Variants in TENM2 observed in about 807,000 individuals in gnomAD.
TENM2 encodes teneurin transmembrane protein 2, also known as teneurin-2.
A neutral mutation model predicts 245.2 loss-of-function variants in TENM2; 52 were observed. The ratio of observed to expected loss-of-function variants is 0.21; its 90% CI spans 0.17 to 0.27. The LOEUF (loss-of-function observed/expected upper bound fraction) is 0.27, where lower values mean the gene tolerates loss of function less well. TENM2 is among the 10% of genes least tolerant of loss of function. The pLI is 1.00. For synonymous variants in TENM2, 1,363 were observed against 1,438.9 expected, an observed-to-expected ratio of 0.95 and a Z score of 1.19; for missense variants, 3,046 against 3,666.8, an observed-to-expected ratio of 0.83 and a Z score of 4.37.
chr5:167,765,754 G>T (rs1237267013), intron 2 of TENM2, among the ~76,000 whole-genome samples: 5 of 152,180 alleles, frequency 3.3e-5, no homozygotes, highest in Non-Finnish European at 5.9e-5. Context: ...GATGCACAGA[G>T]CCTGTTGCCA....
chr5:167,798,612 G>A (rs947102570), intron 2 of TENM2, among the ~76,000 whole-genome samples: 7 of 152,166 alleles, frequency 4.6e-5, no homozygotes, highest in African/African-American at 1.7e-4. Flanking sequence ...AGACAGAGCG[G>A]GCGTAGTATT....
At chr5:168,183,731 G>T (rs79247726) in intron 13 of TENM2, among the ~76,000 whole-genome samples, 1 of 151,806 alleles carries the variant, frequency 6.6e-6, no homozygotes, top group African/African-American at 2.4e-5. Context: ...TGAGTCACGG[G>T]GTTCACCACC....
rs1160802147 is a variant in TENM2, at chr5:167,590,328, C to A, written c.502+214855C>A. Among the ~76,000 whole-genome samples the A allele has an allele frequency of 2.0e-5, 3 of 151,824 alleles. No individual in the cohort carries two copies. The East Asian group carries it at 5.8e-4, about 29-fold the overall frequency. ...ATTGTTTCTCAGCTTTAAAAAAAAT[C>A]CCCATTATAAGGTTCAATAAATGCG... On this transcript the variant is annotated intron_variant, in intron 2 of 28. Coordinates refer to ENST00000518659, the Ensembl canonical transcript of TENM2.
At chr5:167,062,282 T>C in the TENM2 span, among the ~76,000 whole-genome samples, 1 of 152,146 alleles carries the variant, frequency 6.6e-6, no homozygotes, top group Non-Finnish European at 1.5e-5. Flanking sequence ...TTGCTGTCTC[T>C]TCTGAAGGCT....
chr5:167,557,531 A>T (rs1413055246), intron 2 of TENM2, among the ~76,000 whole-genome samples: 2 of 152,248 alleles, frequency 1.3e-5, no homozygotes, highest in Non-Finnish European at 2.9e-5. Flanking sequence ...AAGAAGCAAT[A>T]GATTTAAAGT....
intron 2 of TENM2, among the ~76,000 whole-genome samples, chr5:167,445,136 T>C (rs1387612715): frequency 1.3e-5 from 2 of 151,908 alleles, no homozygotes; most frequent in Non-Finnish European, 2.9e-5. Flanking sequence ...AGTAGTAGTA[T>C]CCAAAAGCAT....
intron 2 of TENM2, among the ~76,000 whole-genome samples, chr5:167,727,366 C>A (rs1220990216): frequency 6.6e-6 from 1 of 152,172 alleles, no homozygotes; most frequent in Non-Finnish European, 1.5e-5. Context: ...CCCGCCTCAG[C>A]CTCCCAGGGT....
At chr5:167,250,740 T>A in the TENM2 span, among the ~76,000 whole-genome samples, 2 of 152,162 alleles carry the variant, frequency 1.3e-5, no homozygotes, top group Admixed American at 1.3e-4. Flanking sequence ...TGTAAAAAGC[T>A]TACTGTTTTG....
At chr5:167,408,318 A>G (rs1762736978) in intron 2 of TENM2, among the ~76,000 whole-genome samples, 1 of 152,114 alleles carries the variant, frequency 6.6e-6, no homozygotes. Context: ...TCAAGAATAT[A>G]TATGTCTAAC....
intron 2 of TENM2, chr5:167,574,001 G>A (rs1401599211): frequency 6.6e-6 from 1 of 152,164 alleles, no homozygotes; most frequent in Non-Finnish European, 1.5e-5. Context: ...CTGCTAACAA[G>A]GGAAGGAAGC....
the TENM2 span, among the ~76,000 whole-genome samples, chr5:167,056,502 AAT>A: frequency 2.1e-5 from 3 of 146,104 alleles, no homozygotes; most frequent in South Asian, 6.3e-4. Flanking sequence ...TATATATTTT[AAT>A]ATATATGTAT....
Position 168,065,326 on chromosome 5 carries a change from A to G in TENM2, c.1515+3061A>G, listed in dbSNP as rs191464769. Among the ~76,000 whole-genome samples the G allele has an allele frequency of 8.9e-4, 135 of 152,324 alleles. 1 individual carries two copies. The highest frequency in any genetic ancestry group is 3.4e-3 in the Middle Eastern group (1 of 294). ...TTTGAAACTGGCTTTTTATAGAGAT[A>G]CAGAGACAACATTGCATAGGAGAAA... On this transcript the variant is annotated intron_variant, in intron 7 of 28. Coordinates refer to ENST00000518659, the Ensembl canonical transcript of TENM2.
At chr5:167,706,574 T>C (rs1006781928) in intron 2 of TENM2, among the ~76,000 whole-genome samples, 1 of 152,006 alleles carries the variant, frequency 6.6e-6, no homozygotes, top group Non-Finnish European at 1.5e-5. Flanking sequence ...CAAATATCTC[T>C]TTAAGAGCTG....
At chr5:167,727,222 G>T (rs890566554) in intron 2 of TENM2, among the ~76,000 whole-genome samples, 5 of 144,168 alleles carry the variant, frequency 3.5e-5, no homozygotes, top group African/African-American at 1.3e-4. Context: ...CCATTCTCCT[G>T]CCTCAGCCTC....
At chr5:167,298,512 A>C (rs1206859193) in intron 1 of TENM2, among the ~76,000 whole-genome samples, 1 of 152,186 alleles carries the variant, frequency 6.6e-6, no homozygotes, top group Non-Finnish European at 1.5e-5. Context: ...CTGAGGCAGG[A>C]GAATGGCGTA....
chr5:167,824,988 GA>G (rs1380186788), intron 2 of TENM2, among the ~76,000 whole-genome samples: 1 of 152,186 alleles, frequency 6.6e-6, no homozygotes, highest in Non-Finnish European at 1.5e-5. Context: ...TATCTGAAAA[GA>G]TTTTGGAGAA....
At chr5:168,055,264 T>C (rs946683130) in intron 6 of TENM2, among the ~76,000 whole-genome samples, 3 of 152,208 alleles carry the variant, frequency 2.0e-5, no homozygotes, top group South Asian at 2.1e-4. Flanking sequence ...CCTACTGTTA[T>C]AGTCAATGCT....
intron 5 of TENM2, among the ~76,000 whole-genome samples, chr5:168,037,230 A>G (rs1362751069): frequency 1.3e-5 from 2 of 152,190 alleles, no homozygotes; most frequent in African/African-American, 4.8e-5. Context: ...TAAAAATTGA[A>G]AAGGACTCTG....
At chr5:167,860,632 C>T (rs1383427418) in intron 2 of TENM2, among the ~76,000 whole-genome samples, 9 of 59,754 alleles carry the variant, frequency 1.5e-4, no homozygotes, top group Non-Finnish European at 1.5e-4. Flanking sequence ...ATTGAGAAAT[C>T]GGATGGTTGC....
Sources: allele counts gnomAD v4.1 joint callset (sites outside exome capture counted in the v4.1 genomes callset), GRCh38; gene constraint gnomAD v4.1.1; transcripts MANE v1.5; gene names NCBI Gene and HGNC (gene_info 2026-07-23, HGNC 2026-07-21).